RBFOX1: variants seen among roughly 807,000 people sequenced by gnomAD.
The protein encoded by RBFOX1 is RNA binding protein fox-1 homolog 1.
RBFOX1 carries 8 observed loss-of-function variants against 57.7 expected under a neutral mutation model. The observed-to-expected ratio is 0.14, with a 90% confidence interval of 0.08 to 0.25. The LOEUF (loss-of-function observed/expected upper bound fraction) is 0.25, where lower values mean the gene tolerates loss of function less well. Among genes scored for constraint, RBFOX1 ranks in the 10% least tolerant of loss-of-function variants. RBFOX1 has a pLI of 1.00. For missense variants in RBFOX1, 611 were observed against 548.5 expected (o/e 1.11, Z -1.14); for synonymous variants, 326 against 222.4 (o/e 1.47, Z -4.15).
At chr16:6,973,849 A>G (rs929349009) in intron 3 of RBFOX1, among the ~76,000 whole-genome samples, 3 of 152,064 alleles carry the variant, frequency 2.0e-5, no homozygotes, top group African/African-American at 4.8e-5. Flanking sequence ...AACGTGTGCC[A>G]TGGTGGTTTA....
chr16:7,500,861 G>T (rs1023163293), intron 4 of RBFOX1, among the ~76,000 whole-genome samples: 2 of 152,170 alleles, frequency 1.3e-5, no homozygotes, highest in African/African-American at 4.8e-5. Context: ...GGGACCCGGT[G>T]GGAGGTAATT....
rs140746443 is a variant in RBFOX1 at position 6,954,970 on chromosome 16, C to T, written c.-15-97087C>T. On this transcript the variant is annotated intron_variant, in intron 3 of 15. Coordinates refer to ENST00000550418, the MANE Select transcript of RBFOX1 (RefSeq NM_018723.4). ...TGAAGGCTGGGTGTGGTGGCTCGTG[C>T]CCATAATCTGAGTACTTTGGGAGAC... is the stretch of plus-strand genomic sequence containing the variant. 5.6e-3 allele frequency among the ~76,000 whole-genome samples: 858 copies of T among 151,932 alleles called. 17 individuals are homozygous for T. Among genetic ancestry groups the T allele is most frequent in the Admixed American group, 0.03 (464 of 15,218 alleles).
chr16:6,949,158 C>A (rs114781528), intron 3 of RBFOX1, among the ~76,000 whole-genome samples: 4 of 152,012 alleles, frequency 2.6e-5, no homozygotes, highest in African/African-American at 4.8e-5. Context: ...TGCCTTCCCC[C>A]ACCCCCCTGA....
chr16:7,398,027 A>G (rs2098171018), intron 4 of RBFOX1, among the ~76,000 whole-genome samples: 2 of 152,004 alleles, frequency 1.3e-5, no homozygotes, highest in African/African-American at 4.8e-5. Context: ...ATTAAGCGAT[A>G]TCCTCAGAGC....
chr16:7,292,043 A>G (rs1012574541), intron 4 of RBFOX1, among the ~76,000 whole-genome samples: 9 of 139,560 alleles, frequency 6.4e-5, no homozygotes, highest in Admixed American at 1.5e-4. Flanking sequence ...CAATTATAGT[A>G]TATATTACAT....
chr16:6,661,919 TG>T (rs140611606), intron 3 of RBFOX1, among the ~76,000 whole-genome samples: 2,470 of 152,300 alleles, frequency 0.016, 64 homozygotes, highest in African/African-American at 0.056. Context: ...TTTAACATCA[TG>T]GGAGTTCTAC....
At chr16:6,433,219 G>GT (rs200918394) in intron 2 of RBFOX1, among the ~76,000 whole-genome samples, 1 of 152,200 alleles carries the variant, frequency 6.6e-6, no homozygotes, top group African/African-American at 2.4e-5. Flanking sequence ...GCTGATGGGA[G>GT]TTTTTGGCAT....
intron 3 of RBFOX1, among the ~76,000 whole-genome samples, chr16:6,702,302 C>A (rs1289593104): frequency 6.6e-6 from 1 of 152,070 alleles, no homozygotes; most frequent in Non-Finnish European, 1.5e-5. Flanking sequence ...GCCTGTAAAC[C>A]CAGTACTTTG....
chr16:6,905,259 T>A (rs7498663), intron 3 of RBFOX1, among the ~76,000 whole-genome samples: 46,967 of 151,418 alleles, frequency 0.31, 8,785 homozygotes, highest in African/African-American at 0.54. Context: ...AAAAAAAAAT[T>A]AAAAAAAAGA....
chr16:6,876,777 A>G (rs12926596), intron 3 of RBFOX1, among the ~76,000 whole-genome samples: 38,439 of 152,010 alleles, frequency 0.25, 5,110 homozygotes, highest in African/African-American at 0.32. Flanking sequence ...TTATATTTGC[A>G]TTACAAGAAA....
At chr16:7,220,663 T>C (rs1382117881) in intron 4 of RBFOX1, among the ~76,000 whole-genome samples, 1 of 152,178 alleles carries the variant, frequency 6.6e-6, no homozygotes, top group Admixed American at 6.5e-5. Flanking sequence ...ATCTTCTTTG[T>C]ACATGGGGGG....
At chr16:6,965,943 A>G (rs2084044245) in intron 3 of RBFOX1, among the ~76,000 whole-genome samples, 1 of 152,162 alleles carries the variant, frequency 6.6e-6, no homozygotes, top group Non-Finnish European at 1.5e-5. Flanking sequence ...CGGGGGATCC[A>G]GTGCCAGGTT....
chr16:6,884,668 G>T (rs1221705727), intron 3 of RBFOX1, among the ~76,000 whole-genome samples: 2 of 152,174 alleles, frequency 1.3e-5, no homozygotes, highest in African/African-American at 4.8e-5. Context: ...GGAGGCTGAG[G>T]TGGTGGATCA....
Position 7,124,955 on chromosome 16 carries a change from A to C in RBFOX1, c.27+72857A>C, listed in dbSNP as rs976157304. Among the ~76,000 whole-genome samples, 5 of 152,286 alleles carry C rather than the reference A, an allele frequency of 3.3e-5. No individual in the cohort carries two copies. The East Asian group carries it at 7.8e-4, about 24-fold the overall frequency. ...TGGAAGAAGTGGTGCCATTAGCTCA[A>C]TTCACAGGACTGGAAAGTATGTGTC... is the stretch of plus-strand genomic sequence containing the variant. On this transcript the variant is annotated intron_variant, in intron 4 of 15. Coordinates refer to ENST00000550418, the MANE Select transcript of RBFOX1 (RefSeq NM_018723.4).
intron 1 of RBFOX1, among the ~76,000 whole-genome samples, chr16:6,222,046 C>T (rs1326722776): frequency 1.3e-5 from 2 of 152,036 alleles, no homozygotes; most frequent in Non-Finnish European, 2.9e-5. Context: ...CACAAGACAC[C>T]ATATTTAAGA....
intron 2 of RBFOX1, among the ~76,000 whole-genome samples, chr16:5,528,710 C>G (rs142499762): frequency 3.3e-5 from 5 of 151,524 alleles, no homozygotes; most frequent in African/African-American, 4.8e-5. Context: ...ACTGCAGTGG[C>G]GCAATCTCGG....
At chr16:6,501,991 G>A (rs527651342) in intron 2 of RBFOX1, among the ~76,000 whole-genome samples, 87 of 152,154 alleles carry the variant, frequency 5.7e-4, no homozygotes, top group Non-Finnish European at 1.0e-3. Flanking sequence ...CATTCTTCTA[G>A]GGATCGTGTG....
chr16:7,162,020 G>T (rs538432161), intron 4 of RBFOX1, among the ~76,000 whole-genome samples: 3 of 152,120 alleles, frequency 2.0e-5, no homozygotes, highest in African/African-American at 7.2e-5. Context: ...TTTCCCACTG[G>T]GGCTGACATT....
At chr16:6,950,420 A>T (rs183546822) in intron 3 of RBFOX1, among the ~76,000 whole-genome samples, 2 of 152,258 alleles carry the variant, frequency 1.3e-5, no homozygotes, top group East Asian at 3.9e-4. Context: ...CACTGAGAAC[A>T]GGGTAATGAT....
Sources: gnomAD v4.1 joint callset for allele counts (sites outside exome capture counted in the v4.1 genomes callset) on GRCh38, gnomAD v4.1.1 for gene constraint, MANE v1.5 for transcripts, NCBI Gene and HGNC (gene_info 2026-07-23, HGNC 2026-07-21) for gene names.